Variants in SLX4IP observed in about 807,000 individuals in gnomAD.
The protein encoded by SLX4IP is SLX4 interacting protein.
In SLX4IP, 34 loss-of-function variants were observed where a neutral mutation model predicts 32.9. The ratio of observed to expected loss-of-function variants is 1.03; its 90% CI spans 0.79 to 1.38. The LOEUF is 1.38. Among genes scored for constraint, SLX4IP ranks in the 40% most tolerant of loss-of-function variants. The probability of loss-of-function intolerance (pLI) is 0.00; values close to 1 mark genes in which losing one functional copy is unlikely to be tolerated. For synonymous variants in SLX4IP, 172 were observed against 171.7 expected (o/e 1.00, Z -0.01); for missense variants, 444 against 479.0 (o/e 0.93, Z 0.68).
intron 4 of SLX4IP, among the ~76,000 whole-genome samples, chr20:10,597,562 T>G (rs564763417): frequency 1.9e-4 from 29 of 152,366 alleles, no homozygotes; most frequent in African/African-American, 7.0e-4. Context: ...TGTAACATTA[T>G]GTTTGTGAGA....
intron 4 of SLX4IP, among the ~76,000 whole-genome samples, chr20:10,587,742 A>G (rs1056657020): frequency 2.0e-5 from 3 of 152,168 alleles, no homozygotes; most frequent in Admixed American, 2.0e-4. Context: ...AAAATGCAAA[A>G]TGGGGAAAGA....
rs115394386 is a variant in SLX4IP at position 10,527,161 on chromosome 20, A to G, written c.28-29070A>G. 9.5e-3 allele frequency among the ~76,000 whole-genome samples: 1,451 copies of G among 152,338 alleles called. 27 individuals are homozygous for G. The highest frequency in any genetic ancestry group is 0.033 in the African/African-American group (1,369 of 41,574). On this transcript the variant is annotated intron_variant, in intron 2 of 7. Transcript: ENST00000334534. Reference sequence around the variant, plus strand: ...ATAAACATGCCATAAACTAGGCCCTATGCTAGGCGCTGGCTCTATAAAAGC... The same window carrying G: ...ATAAACATGCCATAAACTAGGCCCTGTGCTAGGCGCTGGCTCTATAAAAGC...
At chr20:10,579,980 G>C (rs546869018) in intron 4 of SLX4IP, among the ~76,000 whole-genome samples, 23 of 152,154 alleles carry the variant, frequency 1.5e-4, no homozygotes, top group Admixed American at 1.4e-3. Context: ...GATTTTGCCA[G>C]TGGTCTTCTC....
intron 6 of SLX4IP, among the ~76,000 whole-genome samples, chr20:10,608,510 A>AG (rs1387248461): frequency 6.6e-6 from 1 of 151,360 alleles, no homozygotes; most frequent in Non-Finnish European, 1.5e-5. Flanking sequence ...CTAAAAATAC[A>AG]GGAAAAAAAA....
At chr20:10,508,404 C>T (rs1000563492) in intron 2 of SLX4IP, among the ~76,000 whole-genome samples, 2 of 152,238 alleles carry the variant, frequency 1.3e-5, no homozygotes, top group Non-Finnish European at 2.9e-5. Flanking sequence ...AGCTGCTCAA[C>T]AGGGGTGACC....
chr20:10,566,231 G>A (rs78571048), intron 4 of SLX4IP, among the ~76,000 whole-genome samples: 4,563 of 137,488 alleles, frequency 0.033, 186 homozygotes, highest in East Asian at 0.2. Context: ...GATTGCCATT[G>A]TTTTAGTTAA....
chr20:10,608,731 TTTTATCAACATCA>T (rs371852192), intron 6 of SLX4IP, among the ~76,000 whole-genome samples: 246 of 151,974 alleles, frequency 1.6e-3, no homozygotes, highest in Middle Eastern at 0.014. Flanking sequence ...CAGTATTAAT[TTTTATCAACATCA>T]TTTCCTTTCT....
chr20:10,448,883 AT>A (rs1443174121), intron 1 of SLX4IP, among the ~76,000 whole-genome samples: 1 of 152,244 alleles, frequency 6.6e-6, no homozygotes, highest in Admixed American at 6.5e-5. Context: ...CAGAAAAAAA[AT>A]AAAAAGGTTA....
At chr20:10,516,810 G>A (rs187823670) in intron 2 of SLX4IP, among the ~76,000 whole-genome samples, 466 of 152,262 alleles carry the variant, frequency 3.1e-3, no homozygotes, top group South Asian at 0.024. Flanking sequence ...TTCACAGAAT[G>A]AAAAAATGTC....
intron 2 of SLX4IP, among the ~76,000 whole-genome samples, chr20:10,480,464 C>T (rs987109537): frequency 2.6e-5 from 4 of 151,766 alleles, no homozygotes; most frequent in South Asian, 2.1e-4. Context: ...AACATCATTC[C>T]GGATGTGTAC....
chr20:10,471,871 G>A (rs776820859), intron 2 of SLX4IP, among the ~76,000 whole-genome samples: 9 of 152,166 alleles, frequency 5.9e-5, no homozygotes, highest in Non-Finnish European at 1.3e-4. Context: ...TCTTCACAAG[G>A]TGTCTCATCA....
At chr20:10,554,195 A>G (rs762089719) in intron 2 of SLX4IP, among the ~76,000 whole-genome samples, 5 of 152,216 alleles carry the variant, frequency 3.3e-5, no homozygotes, top group Admixed American at 1.3e-4. Flanking sequence ...AGAATTATAT[A>G]TAGATGGAAC....
intron 5 of SLX4IP, among the ~76,000 whole-genome samples, chr20:10,601,270 C>A (rs1358536893): frequency 6.6e-6 from 1 of 152,108 alleles, no homozygotes; most frequent in Non-Finnish European, 1.5e-5. Context: ...TCGGGGAGCT[C>A]TCTAAGACTA....
chr20:10,462,321 T>C (rs1164341475), intron 2 of SLX4IP, among the ~76,000 whole-genome samples: 2 of 152,180 alleles, frequency 1.3e-5, no homozygotes, highest in Non-Finnish European at 2.9e-5. Flanking sequence ...AAACTTCCTG[T>C]TTGAAAGAGC....
chr20:10,525,108 C>T (rs646075), intron 2 of SLX4IP, among the ~76,000 whole-genome samples: 29,692 of 152,178 alleles, frequency 0.2, 3,518 homozygotes, highest in Admixed American at 0.27. Context: ...AAAATCTTTA[C>T]AATCTGATCC....
At chr20:10,618,459 T>C (rs2067065094) in intron 6 of SLX4IP, among the ~76,000 whole-genome samples, 1 of 152,082 alleles carries the variant, frequency 6.6e-6, no homozygotes, top group South Asian at 2.1e-4. Flanking sequence ...GGAAATGGAG[T>C]ATACCAAGGA....
chr20:10,548,244 C>CTTT (rs373925213), intron 2 of SLX4IP, among the ~76,000 whole-genome samples: 1 of 149,272 alleles, frequency 6.7e-6, no homozygotes, highest in Non-Finnish European at 1.5e-5. Context: ...TCCAGGGCTT[C>CTTT]TTTTTTTTTT....
intron 2 of SLX4IP, among the ~76,000 whole-genome samples, chr20:10,503,354 G>A (rs1384121346): frequency 1.3e-5 from 2 of 152,182 alleles, no homozygotes; most frequent in Admixed American, 6.5e-5. Flanking sequence ...AGGTGTGGCT[G>A]GGTTGGATGG....
At chr20:10,504,014 A>G (rs2065739274) in intron 2 of SLX4IP, among the ~76,000 whole-genome samples, 1 of 152,218 alleles carries the variant, frequency 6.6e-6, no homozygotes, top group Admixed American at 6.5e-5. Context: ...TTATCCTAAT[A>G]TCTTTTGGAT....
Sources: allele counts gnomAD v4.1 joint callset (sites outside exome capture counted in the v4.1 genomes callset), GRCh38; gene constraint gnomAD v4.1.1; transcripts MANE v1.5; gene names NCBI Gene and HGNC (gene_info 2026-07-23, HGNC 2026-07-21).